ZFHX3: variants seen among roughly 807,000 people sequenced by gnomAD.
ZFHX3 encodes the protein zinc finger homeobox 3.
Under a neutral mutation model 279.1 loss-of-function variants are expected in ZFHX3, and 42 were observed. That is an observed-to-expected ratio of 0.15 (90% CI 0.12 to 0.19). The LOEUF is 0.19. Among genes scored for constraint, ZFHX3 ranks in the 10% least tolerant of loss-of-function variants. The pLI is 1.00. For synonymous variants in ZFHX3, 2,293 were observed against 1,957.8 expected (o/e 1.17, Z -4.52); for missense variants, 4,981 against 4,754.0 (o/e 1.05, Z -1.40).
In ZFHX3 at chr16:72,939,332, A is replaced by AG. The variant is rs1410180250; in HGVS notation, c.3216+11136dup. Among the ~76,000 whole-genome samples, 8 of 152,284 alleles carry AG rather than the reference A, an allele frequency of 5.3e-5. No individual in the cohort carries two copies. The East Asian group carries it at 1.5e-3, about 29-fold the overall frequency. On this transcript the variant is annotated intron_variant, in intron 3 of 9. Coordinates refer to ENST00000268489, the MANE Select transcript of ZFHX3 (RefSeq NM_006885.4). ...CCTTCCTGGGCCTGCGACAATGAGC[A>AG]GTTCGTAAAGAATCTGGAACATGAA...
chr16:73,512,592 G>A (rs2019452774), intron 2 of ZFHX3, among the ~76,000 whole-genome samples: 1 of 152,016 alleles, frequency 6.6e-6, no homozygotes, highest in Non-Finnish European at 1.5e-5. Flanking sequence ...AGGCAGATGG[G>A]CAAAGAATTT....
intron 1 of ZFHX3, among the ~76,000 whole-genome samples, chr16:73,764,115 G>A (rs2053901337): frequency 6.6e-6 from 1 of 152,160 alleles, no homozygotes; most frequent in South Asian, 2.1e-4. Flanking sequence ...CTACATCTGT[G>A]ATCATTTGTT....
At chr16:72,933,269 A>C (rs1392104362) in intron 3 of ZFHX3, among the ~76,000 whole-genome samples, 1 of 152,110 alleles carries the variant, frequency 6.6e-6, no homozygotes, top group African/African-American at 2.4e-5. Flanking sequence ...AGAAATAACC[A>C]ATCTGAGCCC....
intron 3 of ZFHX3, among the ~76,000 whole-genome samples, chr16:73,335,134 TAAG>T (rs1165691422): frequency 2.0e-5 from 3 of 152,104 alleles, no homozygotes; most frequent in Admixed American, 2.0e-4. Context: ...TCTCCTAGGC[TAAG>T]AAGATACATT....
chr16:73,208,479 A>G (rs1366886167), intron 5 of ZFHX3, among the ~76,000 whole-genome samples: 1 of 152,218 alleles, frequency 6.6e-6, no homozygotes, highest in Non-Finnish European at 1.5e-5. Flanking sequence ...TAAATTTTCA[A>G]AGATTTAAAT....
At chr16:73,506,680 CCTT>C (rs1388470122) in intron 2 of ZFHX3, among the ~76,000 whole-genome samples, 8 of 152,138 alleles carry the variant, frequency 5.3e-5, no homozygotes, top group Non-Finnish European at 1.0e-4. Context: ...TCAGCCTTCT[CCTT>C]CTGCTTAGGT....
At position 72,859,910 on chromosome 16, in the gene ZFHX3, C is replaced by T. The variant is rs1454022972; in HGVS notation, c.3448+29821G>A. On this transcript the variant is annotated intron_variant, in intron 4 of 9. Coordinates refer to ENST00000268489, the MANE Select transcript of ZFHX3 (RefSeq NM_006885.4). ...GTATCACTGATAGAAGCCCCCAGGC[C>T]GTAAGACAGGCTAGTTTACAGAAAT... Among the ~76,000 whole-genome samples the T allele has an allele frequency of 2.0e-5, 3 of 152,062 alleles. 1 individual carries two copies. The highest frequency in any genetic ancestry group is 1.3e-4 in the Admixed American group (2 of 15,270).
intron 2 of ZFHX3, among the ~76,000 whole-genome samples, chr16:73,535,812 T>TC (rs2019891064): frequency 6.9e-6 from 1 of 143,976 alleles, no homozygotes; most frequent in African/African-American, 2.6e-5. Flanking sequence ...AACCTCCACC[T>TC]CCTGGGCTCA....
intron 1 of ZFHX3, among the ~76,000 whole-genome samples, chr16:73,845,557 A>T (rs1029755924): frequency 1.3e-5 from 2 of 152,142 alleles, no homozygotes; most frequent in Non-Finnish European, 2.9e-5. Flanking sequence ...GAAAAAAAAA[A>T]AGCAGCTTTA....
At chr16:73,109,266 A>G (rs935012547) in intron 7 of ZFHX3, among the ~76,000 whole-genome samples, 3 of 152,232 alleles carry the variant, frequency 2.0e-5, no homozygotes, top group Non-Finnish European at 4.4e-5. Flanking sequence ...AAATGCAATC[A>G]TAGGAAACAT....
intron 2 of ZFHX3, among the ~76,000 whole-genome samples, chr16:73,484,814 T>C (rs781447918): frequency 6.6e-6 from 1 of 152,212 alleles, no homozygotes; most frequent in Admixed American, 6.5e-5. Context: ...TCCAGTTACA[T>C]AGGAACATCT....
At position 72,840,253 on chromosome 16, in the gene ZFHX3, G is replaced by C. The variant is rs1182358778; in HGVS notation, c.3449-10394C>G. On this transcript the variant is annotated intron_variant, in intron 4 of 9. Coordinates refer to ENST00000268489, the MANE Select transcript of ZFHX3 (RefSeq NM_006885.4). ...TCTATATACAAATGAAGGTGTATGG[G>C]AAATGAACAGGATGTACCAGAACTG... 2.0e-5 allele frequency among the ~76,000 whole-genome samples: 3 copies of C among 152,194 alleles called. No homozygotes were observed. In the South Asian group the frequency reaches 6.2e-4, roughly 32 times the overall value.
chr16:73,548,734 A>C (rs748930211), intron 2 of ZFHX3, among the ~76,000 whole-genome samples: 1 of 152,206 alleles, frequency 6.6e-6, no homozygotes, highest in Non-Finnish European at 1.5e-5. Flanking sequence ...AAAAAAATTA[A>C]TAAAGCCAAG....
chr16:72,796,876 T>C lies in ZFHX3; in HGVS notation c.5806A>G (p.Ile1936Val), dbSNP rs754994610. The change falls in exon 9 of 10, where the codon ATT becomes GTT. Residue 1936 changes from isoleucine to valine, a missense_variant. Physicochemically the swap from Ile to Val is conservative, Grantham distance 29 (BLOSUM62 3). Transcript: ENST00000268489. The stretch of plus-strand genomic sequence containing the variant: ...GCGTTCCCTCTGGCATCTGAAGCAA[T>C]GCGTGGAGGGAGCATGGAAGGCTCA... ...GSEPSMLPPR[I>V]ASDARGNATK... 6.2e-6 allele frequency: 10 copies of C among 1,613,530 alleles called. No individual in the cohort carries two copies. Among genetic ancestry groups the C allele is most frequent in the South Asian group, 3.3e-5 (3 of 91,068 alleles).
chr16:73,591,392 C>T (rs2051994360), intron 2 of ZFHX3, among the ~76,000 whole-genome samples: 1 of 148,220 alleles, frequency 6.7e-6, no homozygotes, highest in Non-Finnish European at 1.5e-5. Context: ...AAACAAAAAT[C>T]CAGAAAATAA....
chr16:73,224,391 G>C (rs1009254423), intron 5 of ZFHX3, among the ~76,000 whole-genome samples: 7 of 152,200 alleles, frequency 4.6e-5, no homozygotes, highest in African/African-American at 1.7e-4. Context: ...ACATAAAATA[G>C]TTGGAGGTTT....
chr16:73,178,483 G>A (rs1208259366), intron 5 of ZFHX3, among the ~76,000 whole-genome samples: 4 of 151,968 alleles, frequency 2.6e-5, no homozygotes, highest in African/African-American at 9.7e-5. Context: ...CTACCCCAAA[G>A]ACTCCTTCAT....
intron 2 of ZFHX3, among the ~76,000 whole-genome samples, chr16:73,502,115 A>G (rs1469829062): frequency 4.7e-5 from 7 of 149,806 alleles, no homozygotes; most frequent in Admixed American, 2.6e-4. Context: ...GGGGTGGGGG[A>G]AAAAAAGCCC....
At chr16:73,287,069 T>C (rs2014628485) in intron 4 of ZFHX3, among the ~76,000 whole-genome samples, 1 of 143,776 alleles carries the variant, frequency 7.0e-6, no homozygotes, top group African/African-American at 2.6e-5. Context: ...CGGGCCAGTG[T>C]GTGGCTGTGT....
Sources: allele counts gnomAD v4.1 joint callset (sites outside exome capture counted in the v4.1 genomes callset), GRCh38; gene constraint gnomAD v4.1.1; transcripts MANE v1.5; gene names NCBI Gene and HGNC (gene_info 2026-07-23, HGNC 2026-07-21).